SRGAP3: variants seen among roughly 807,000 people sequenced by gnomAD.
SRGAP3 encodes SLIT-ROBO Rho GTPase-activating protein 3.
SRGAP3 carries 39 observed loss-of-function variants against 121.1 expected under a neutral mutation model. The ratio of observed to expected loss-of-function variants is 0.32; its 90% CI spans 0.25 to 0.42. SRGAP3 has a LOEUF of 0.42. SRGAP3 is among the 10% of genes least tolerant of loss of function. The pLI is 1.00. For synonymous variants in SRGAP3, 601 were observed against 570.0 expected, an observed-to-expected ratio of 1.05 and a Z score of -0.77; for missense variants, 1,213 against 1,470.6, an observed-to-expected ratio of 0.82 and a Z score of 2.86.
intron 1 of SRGAP3, among the ~76,000 whole-genome samples, chr3:9,125,860 T>C (rs1473607767): frequency 1.3e-5 from 2 of 152,090 alleles, no homozygotes; most frequent in Admixed American, 1.3e-4. Context: ...GAGTATTAGG[T>C]CCAACTCCTC....
At chr3:9,053,256 T>C in intron 8 of SRGAP3, 32 bp from the exon 9 acceptor site, 1 of 1,601,324 alleles carries the variant, frequency 6.2e-7, no homozygotes, top group East Asian at 2.2e-5. Flanking sequence ...ACAAAAATCC[T>C]GTATTCTCAT....
chr3:9,178,179 G>A (rs2125114112), intron 1 of SRGAP3, among the ~76,000 whole-genome samples: 1 of 152,144 alleles, frequency 6.6e-6, no homozygotes, highest in Non-Finnish European at 1.5e-5. Flanking sequence ...GCGGTGGGAG[G>A]ATCACTTGAG....
At chr3:9,036,289 G>A (rs757279333) in intron 11 of SRGAP3, 1 of 152,216 alleles carries the variant, frequency 6.6e-6, no homozygotes, top group Admixed American at 6.5e-5. Flanking sequence ...GATACAGAGA[G>A]AGCCATAGGA....
At chr3:9,171,625 T>A (rs1950978047) in intron 1 of SRGAP3, among the ~76,000 whole-genome samples, 1 of 152,206 alleles carries the variant, frequency 6.6e-6, no homozygotes. Context: ...TAAAAGTTTT[T>A]TTATTATTAT....
chr3:9,276,674 C>G (rs1451693835), intron 3 of SRGAP3, among the ~76,000 whole-genome samples: 1 of 152,200 alleles, frequency 6.6e-6, no homozygotes, highest in Non-Finnish European at 1.5e-5. Context: ...ATCCGCCCAC[C>G]TTGGCCTCCC....
At chr3:9,181,961 G>A (rs1194396426) in intron 1 of SRGAP3, among the ~76,000 whole-genome samples, 1 of 152,090 alleles carries the variant, frequency 6.6e-6, no homozygotes, top group African/African-American at 2.4e-5. Flanking sequence ...GATTACTTGA[G>A]GCCAGGAGTT....
At chr3:9,243,368 C>A (rs1953715420) in intron 1 of SRGAP3, among the ~76,000 whole-genome samples, 1 of 152,036 alleles carries the variant, frequency 6.6e-6, no homozygotes, top group South Asian at 2.1e-4. Context: ...GGCATGGTGG[C>A]TCACGTCTGT....
chr3:9,284,132 T>G (rs552330988), intron 3 of SRGAP3, among the ~76,000 whole-genome samples: 1 of 147,968 alleles, frequency 6.8e-6, no homozygotes, highest in South Asian at 2.2e-4. Flanking sequence ...AAATGGTGTT[T>G]AATAAAAAAA....
rs535146789 is a variant in SRGAP3 at position 8,991,293 on chromosome 3, C to G, written c.2559-454G>C. ...ACCAAAGTTACCAGCACCCTGCAAGCACAGTTGGGGTCCCCTGGGAACTGA... is the reference window on the plus strand; with the variant it reads ...ACCAAAGTTACCAGCACCCTGCAAGGACAGTTGGGGTCCCCTGGGAACTGA... On this transcript the variant is annotated intron_variant, in intron 20 of 21. Coordinates refer to ENST00000383836, the MANE Select transcript of SRGAP3 (RefSeq NM_014850.4). Among the ~76,000 whole-genome samples the G allele has an allele frequency of 3.3e-5, 5 of 152,302 alleles. No individual in the cohort carries two copies. In the East Asian group the frequency reaches 7.7e-4, roughly 24 times the overall value.
At position 8,985,597 on chromosome 3, in the gene SRGAP3, C is replaced by T. The variant is rs144096171; in HGVS notation, c.3222G>A (p.Ser1074=). 43 of 1,597,576 alleles carry T rather than the reference C, an allele frequency of 2.7e-5. 1 individual carries two copies. In the African/African-American group the frequency reaches 5.2e-4, roughly 19 times the overall value. ...VQHRSSSSSS[S]GVGSPAVTPT... is the part of the protein sequence containing the mutation. ...GCGTCACGGCCGGGCTGCCCACGCCCGAGCTGCTGCTGCTGCTGGACCGGT... is the reference window on the plus strand; with the variant it reads ...GCGTCACGGCCGGGCTGCCCACGCCTGAGCTGCTGCTGCTGCTGGACCGGT... The change falls in exon 22 of 22, where the codon TCG becomes TCA. Residue 1074 remains serine, a synonymous_variant. Transcript: ENST00000383836. This position sits in a 1 kb window ranked among gnomAD's most constrained non-coding sequence, Gnocchi z 5.1.
At chr3:9,158,835 G>A (rs1215738907) in intron 1 of SRGAP3, among the ~76,000 whole-genome samples, 1 of 152,122 alleles carries the variant, frequency 6.6e-6, no homozygotes, top group Non-Finnish European at 1.5e-5. Flanking sequence ...CCTGCACCAT[G>A]ACCCACAACT....
Position 9,249,163 on chromosome 3 carries a change from C to A in SRGAP3, c.-212G>T. ...ACTTGCCGAGAAATGGCTCTAGTAG[C>A]TTGCCCTGGTCAGCTCCTCTTGCAA... On this transcript the variant is annotated 5_prime_UTR_variant, in exon 1 of 22. Transcript: ENST00000383836. The A allele has an allele frequency of 1.6e-6, 1 of 618,106 alleles. No individual in the cohort carries two copies. 38.3% of individuals were successfully genotyped at this position (618,106 alleles called of 1,614,324 possible).
At chr3:9,081,939 G>C (rs1032531124) in intron 3 of SRGAP3, among the ~76,000 whole-genome samples, 1 of 152,172 alleles carries the variant, frequency 6.6e-6, no homozygotes, top group African/African-American at 2.4e-5. Context: ...AGGTGATTAG[G>C]TCATAAGGGT....
At chr3:9,154,960 A>C (rs1218230325) in intron 1 of SRGAP3, among the ~76,000 whole-genome samples, 1 of 151,614 alleles carries the variant, frequency 6.6e-6, no homozygotes, top group Non-Finnish European at 1.5e-5. Context: ...ATATTTCATC[A>C]ATCTCCAGGC....
rs147970502 is a variant in SRGAP3, at chr3:9,017,742, A to G, written c.1679-2011T>C. On this transcript the variant is annotated intron_variant, in intron 14 of 21. Coordinates refer to ENST00000383836, the MANE Select transcript of SRGAP3 (RefSeq NM_014850.4). The stretch of plus-strand genomic sequence containing the variant: ...ATTTTTTCTTTTACTGATATATAAC[A>G]TTTTAAATATTTATGGTGTACATGT... Among the ~76,000 whole-genome samples, 437 of 152,316 alleles carry G rather than the reference A, an allele frequency of 2.9e-3. 3 individuals are homozygous for G. Among genetic ancestry groups the G allele is most frequent in the African/African-American group, 0.01 (420 of 41,554 alleles).
intron 18 of SRGAP3, among the ~76,000 whole-genome samples, chr3:8,998,002 C>G (rs761870328): frequency 7.2e-5 from 11 of 152,072 alleles, no homozygotes; most frequent in Non-Finnish European, 1.2e-4. Context: ...CCACCTCAGC[C>G]TCCTGAGTAG....
At chr3:9,191,918 G>GTGATA (rs1295585149) in intron 1 of SRGAP3, among the ~76,000 whole-genome samples, 14 of 152,292 alleles carry the variant, frequency 9.2e-5, no homozygotes, top group African/African-American at 2.9e-4. Flanking sequence ...TTTTTGCCAT[G>GTGATA]TGATATGCCT....
Position 9,108,018 on chromosome 3 carries a change from T to C in SRGAP3, c.261-3176A>G, listed in dbSNP as rs139123751. ...GTAGAAGGACCAGTGGGTACAAATATAGTGAAGTAGCTCAGAAGAGCTGGA... is the reference window on the plus strand; with the variant it reads ...GTAGAAGGACCAGTGGGTACAAATACAGTGAAGTAGCTCAGAAGAGCTGGA... On this transcript the variant is annotated intron_variant, in intron 2 of 21. Transcript: ENST00000383836. 2.0e-4 allele frequency among the ~76,000 whole-genome samples: 31 copies of C among 152,180 alleles called. No homozygotes were observed. In the East Asian group the frequency reaches 5.2e-3, roughly 26 times the overall value.
intron 3 of SRGAP3, among the ~76,000 whole-genome samples, chr3:9,258,655 CT>C (rs1361958593): frequency 3.3e-5 from 5 of 152,354 alleles, no homozygotes; most frequent in Non-Finnish European, 2.9e-5. Context: ...CACTAGCTCT[CT>C]GCATCCTCTT....
Sources: allele counts gnomAD v4.1 joint callset (sites outside exome capture counted in the v4.1 genomes callset), GRCh38; gene constraint gnomAD v4.1.1; non-coding constraint Gnocchi (gnomAD v3.1); transcripts MANE v1.5; gene names NCBI Gene and HGNC (gene_info 2026-07-23, HGNC 2026-07-21).